The following RORA variants were observed in gnomAD, a reference collection of about 807,000 sequenced individuals.
RORA encodes nuclear receptor ROR-alpha.
RORA carries 7 observed loss-of-function variants against 69.5 expected under a neutral mutation model. The ratio of observed to expected loss-of-function variants is 0.10; its 90% CI spans 0.06 to 0.19. The LOEUF (loss-of-function observed/expected upper bound fraction) is 0.19, where lower values mean the gene tolerates loss of function less well. Among genes scored for constraint, RORA ranks in the 10% least tolerant of loss-of-function variants. The pLI, the probability that RORA is intolerant of heterozygous loss-of-function variation, is 1.00. For synonymous variants in RORA, 261 were observed against 240.8 expected, an observed-to-expected ratio of 1.08 and a Z score of -0.78; for missense variants, 457 against 663.0, an observed-to-expected ratio of 0.69 and a Z score of 3.41.
In RORA at chr15:60,870,157, A is replaced by G. The variant is rs201596323; in HGVS notation, c.167-191471T>C. Among the ~76,000 whole-genome samples, 637 of 152,346 alleles carry G rather than the reference A, an allele frequency of 4.2e-3. 5 individuals carry two copies. The highest frequency in any genetic ancestry group is 0.012 in the African/African-American group (514 of 41,580). On this transcript the variant is annotated intron_variant, in intron 1 of 10. Transcript: ENST00000335670. The stretch of plus-strand genomic sequence containing the variant: ...AGCAAAGGTTATTCCGTTACTAGCC[A>G]CAGCTGGCTACAGAAACCAGGTGCT...
intron 2 of RORA, among the ~76,000 whole-genome samples, chr15:60,536,352 C>G (rs1210347000): frequency 1.3e-5 from 2 of 152,096 alleles, no homozygotes; most frequent in African/African-American, 4.8e-5. Context: ...GAAATCCTGC[C>G]TTATAGTGAA....
intron 1 of RORA, among the ~76,000 whole-genome samples, chr15:60,921,661 T>C (rs1017049509): frequency 5.9e-5 from 9 of 152,198 alleles, no homozygotes; most frequent in African/African-American, 2.2e-4. Flanking sequence ...TTTCTTTGTA[T>C]GTGTTATGCT....
chr15:61,217,513 G>A (rs1168570891), intron 1 of RORA, among the ~76,000 whole-genome samples: 1 of 152,088 alleles, frequency 6.6e-6, no homozygotes, highest in African/African-American at 2.4e-5. Flanking sequence ...GAGATGAAAA[G>A]GCCAAGTTCA....
intron 1 of RORA, among the ~76,000 whole-genome samples, chr15:60,801,274 C>T (rs1380288840): frequency 6.6e-6 from 1 of 152,186 alleles, no homozygotes; most frequent in African/African-American, 2.4e-5. Context: ...CTCCCCCTCC[C>T]CCCTCCTTCG....
intron 2 of RORA, among the ~76,000 whole-genome samples, chr15:60,541,445 A>G (rs559830981): frequency 6.6e-6 from 1 of 152,356 alleles, no homozygotes; most frequent in African/African-American, 2.4e-5. Flanking sequence ...AAACTTGCTG[A>G]TTAAAGAAAC....
In RORA at chr15:60,810,289, A is replaced by G. The variant is rs57099028; in HGVS notation, c.167-131603T>C. Among the ~76,000 whole-genome samples, 354 of 152,330 alleles carry G rather than the reference A, an allele frequency of 2.3e-3. 3 individuals carry two copies. Among genetic ancestry groups the G allele is most frequent in the African/African-American group, 8.0e-3 (333 of 41,580 alleles). On this transcript the variant is annotated intron_variant, in intron 1 of 10. Transcript: ENST00000335670. ...TTTGGGACTTTGAAAACCTTGCTTC[A>G]TCACCCTCTGGTTTCCATGTTGCTG...
At chr15:61,115,988 G>A (rs2079047039) in intron 1 of RORA, among the ~76,000 whole-genome samples, 1 of 152,138 alleles carries the variant, frequency 6.6e-6, no homozygotes. Flanking sequence ...CAGTGTCAAA[G>A]ATCCACCATT....
chr15:61,135,744 A>G (rs2079233532), intron 1 of RORA, among the ~76,000 whole-genome samples: 1 of 152,224 alleles, frequency 6.6e-6, no homozygotes, highest in East Asian at 1.9e-4. Flanking sequence ...AGGTAGGTAG[A>G]TATGATAAGC....
chr15:61,185,786 T>C (rs549687220), intron 1 of RORA, among the ~76,000 whole-genome samples: 1 of 152,290 alleles, frequency 6.6e-6, no homozygotes, highest in East Asian at 1.9e-4. Flanking sequence ...CTCTTCCCCA[T>C]GGCTCTGAGG....
intron 1 of RORA, among the ~76,000 whole-genome samples, chr15:60,702,141 C>T (rs1334278431): frequency 1.3e-5 from 2 of 152,206 alleles, no homozygotes; most frequent in African/African-American, 4.8e-5. Flanking sequence ...GGGCAAGTCA[C>T]TTACCCTCTC....
intron 1 of RORA, among the ~76,000 whole-genome samples, chr15:60,757,366 G>T (rs1465110886): frequency 1.3e-5 from 2 of 152,120 alleles, no homozygotes; most frequent in Non-Finnish European, 2.9e-5. Context: ...ACAGGTTCAG[G>T]AAAACTCCTT....
At chr15:60,822,439 G>C (rs1033804483) in intron 1 of RORA, among the ~76,000 whole-genome samples, 1 of 152,132 alleles carries the variant, frequency 6.6e-6, no homozygotes, top group South Asian at 2.1e-4. Flanking sequence ...AACCGTCCAT[G>C]ATTTAACCTC....
At chr15:61,023,021 C>T (rs1003034829) in intron 1 of RORA, among the ~76,000 whole-genome samples, 1 of 151,762 alleles carries the variant, frequency 6.6e-6, no homozygotes, top group African/African-American at 2.4e-5. Flanking sequence ...CCCGTCTCTA[C>T]TAAAAATACA....
intron 1 of RORA, among the ~76,000 whole-genome samples, chr15:61,153,551 C>A (rs867018180): frequency 9.2e-5 from 14 of 152,282 alleles, no homozygotes; most frequent in Middle Eastern, 3.4e-3. Flanking sequence ...TGGCTGTTAA[C>A]GGGCTTTATT....
At chr15:60,636,625 T>G (rs1249329785) in intron 2 of RORA, among the ~76,000 whole-genome samples, 1 of 152,192 alleles carries the variant, frequency 6.6e-6, no homozygotes, top group African/African-American at 2.4e-5. Flanking sequence ...TAGTTTGATT[T>G]TTCTTATTTT....
intron 1 of RORA, among the ~76,000 whole-genome samples, chr15:61,080,848 C>A (rs2078528681): frequency 6.6e-6 from 1 of 152,192 alleles, no homozygotes; most frequent in South Asian, 2.1e-4. Context: ...GTAACAGTAT[C>A]TTCTTGCTCT....
intron 2 of RORA, among the ~76,000 whole-genome samples, chr15:60,672,107 A>C (rs150710961): frequency 6.6e-6 from 1 of 152,106 alleles, no homozygotes; most frequent in Non-Finnish European, 1.5e-5. Flanking sequence ...TAAAGTAAGA[A>C]CGCTGTACAG....
Position 61,190,207 on chromosome 15 carries a change from G to A in RORA, c.166+38846C>T, listed in dbSNP as rs189723229. 1.8e-3 allele frequency among the ~76,000 whole-genome samples: 270 copies of A among 151,998 alleles called. 1 individual carries two copies. The highest frequency in any genetic ancestry group is 6.3e-3 in the African/African-American group (261 of 41,472). On this transcript the variant is annotated intron_variant, in intron 1 of 10. Coordinates refer to ENST00000335670, the MANE Select transcript of RORA (RefSeq NM_134261.3). ...AAAAAAAAAATCAGTGTGTCTTGCT[G>A]TAAGAACATCAGTGTGCTCAGAGCT...
intron 2 of RORA, among the ~76,000 whole-genome samples, chr15:60,599,995 A>T (rs2068777682): frequency 6.6e-6 from 1 of 152,240 alleles, no homozygotes; most frequent in South Asian, 2.1e-4. Flanking sequence ...GTGAAAAGCT[A>T]AGCAGAGCAT....
Sources: allele counts gnomAD v4.1 joint callset (sites outside exome capture counted in the v4.1 genomes callset), GRCh38; gene constraint gnomAD v4.1.1; transcripts MANE v1.5; gene names NCBI Gene and HGNC (gene_info 2026-07-23, HGNC 2026-07-21).